The following PALM2AKAP2 variants were observed in gnomAD, a reference collection of about 807,000 sequenced individuals.
PALM2AKAP2 encodes the protein PALM2 and AKAP2 fusion.
PALM2AKAP2 carries 37 observed loss-of-function variants against 71.5 expected under a neutral mutation model. The observed-to-expected ratio is 0.52, with a 90% CI of 0.40 to 0.68. The LOEUF is 0.68. PALM2AKAP2 is among the 30% of genes least tolerant of loss of function. The pLI, the probability that PALM2AKAP2 is intolerant of heterozygous loss-of-function variation, is 0.00. For synonymous variants in PALM2AKAP2, 468 were observed against 478.8 expected (o/e 0.98, Z 0.29); for missense variants, 1,224 against 1,191.8 (o/e 1.03, Z -0.40).
chr9:110,162,227 G>A, intron 3 of PALM2AKAP2, 95 bp downstream of exon 10: 2 of 1,540,276 alleles, frequency 1.3e-6, no homozygotes, highest in Non-Finnish European at 1.8e-6. Flanking sequence ...AAACGAAAAT[G>A]GCAAGAAAAA....
chr9:109,711,210 G>A (rs928391474), intron 1 of PALM2AKAP2, among the ~76,000 whole-genome samples: 4 of 152,082 alleles, frequency 2.6e-5, no homozygotes, highest in African/African-American at 9.7e-5. Context: ...AGTAGCCTTG[G>A]TTAAAAGATT....
chr9:109,958,478 C>T (rs1564233720), intron 6 of PALM2AKAP2, among the ~76,000 whole-genome samples: 1 of 152,142 alleles, frequency 6.6e-6, no homozygotes, highest in Non-Finnish European at 1.5e-5. Context: ...TTGGTCCCAA[C>T]TTGCTCATCT....
chr9:109,842,769 C>G (rs1187125575), intron 1 of PALM2AKAP2, among the ~76,000 whole-genome samples: 1 of 151,952 alleles, frequency 6.6e-6, no homozygotes, highest in African/African-American at 2.4e-5. Flanking sequence ...AATCCCAGCT[C>G]TTTGGGAGGC....
chr9:110,012,832 T>A (rs745956906), intron 6 of PALM2AKAP2, among the ~76,000 whole-genome samples: 2 of 152,182 alleles, frequency 1.3e-5, no homozygotes, highest in Non-Finnish European at 2.9e-5. Context: ...GAGAAAAAAT[T>A]CTTTCCAAAG....
intron 6 of PALM2AKAP2, among the ~76,000 whole-genome samples, chr9:110,000,308 C>T (rs977799801): frequency 6.6e-6 from 1 of 152,028 alleles, no homozygotes; most frequent in Non-Finnish European, 1.5e-5. Flanking sequence ...TGATGGTTTC[C>T]AGCTTCATCC....
At chr9:110,062,841 G>A (rs1049562611) in intron 1 of PALM2AKAP2, among the ~76,000 whole-genome samples, 8 of 152,162 alleles carry the variant, frequency 5.3e-5, no homozygotes, top group Admixed American at 2.0e-4. Context: ...ACTGGGTCAC[G>A]CAAACCTGCC....
At chr9:109,860,891 A>C (rs10759381) in intron 1 of PALM2AKAP2, among the ~76,000 whole-genome samples, 26,152 of 152,088 alleles carry the variant, frequency 0.17, 2,379 homozygotes, top group South Asian at 0.23. Flanking sequence ...GGGGCAAGGA[A>C]ACAAGATTCC....
At chr9:109,664,290 T>C (rs1301376269) in intron 1 of PALM2AKAP2, among the ~76,000 whole-genome samples, 1 of 152,242 alleles carries the variant, frequency 6.6e-6, no homozygotes, top group Non-Finnish European at 1.5e-5. Context: ...GCATTGATGG[T>C]CTTTACAGTT....
intron 6 of PALM2AKAP2, among the ~76,000 whole-genome samples, chr9:109,992,646 T>G (rs1241405617): frequency 2.0e-5 from 3 of 152,190 alleles, no homozygotes; most frequent in Non-Finnish European, 4.4e-5. Context: ...GCTGCCTTTA[T>G]GAAAGTGAGT....
intron 1 of PALM2AKAP2, among the ~76,000 whole-genome samples, chr9:109,651,855 A>G (rs1475313543): frequency 6.6e-6 from 1 of 152,234 alleles, no homozygotes; most frequent in East Asian, 1.9e-4. Flanking sequence ...GAGTAGGCTT[A>G]ATCAAAATTT....
intron 2 of PALM2AKAP2, among the ~76,000 whole-genome samples, chr9:109,867,905 C>T (rs1829499102): frequency 6.6e-6 from 1 of 152,114 alleles, no homozygotes; most frequent in Non-Finnish European, 1.5e-5. Flanking sequence ...TTCTCCCATG[C>T]ATAGGTGCTG....
At chr9:110,004,848 C>T (rs1007981839) in intron 6 of PALM2AKAP2, among the ~76,000 whole-genome samples, 14 of 152,308 alleles carry the variant, frequency 9.2e-5, no homozygotes, top group African/African-American at 3.1e-4. Flanking sequence ...GCATTCATCA[C>T]GTAGTTCTCG....
At chr9:109,961,424 C>A (rs1051756481) in intron 6 of PALM2AKAP2, among the ~76,000 whole-genome samples, 1 of 152,194 alleles carries the variant, frequency 6.6e-6, no homozygotes, top group African/African-American at 2.4e-5. Context: ...TAGCTGGGAT[C>A]ATGGAGCAGA....
chr9:110,028,997 A>T (rs867612065), intron 7 of PALM2AKAP2, among the ~76,000 whole-genome samples: 2 of 151,098 alleles, frequency 1.3e-5, no homozygotes, highest in African/African-American at 2.4e-5. Flanking sequence ...AATGTATTTT[A>T]TTAAGCTTTA....
intron 1 of PALM2AKAP2, among the ~76,000 whole-genome samples, chr9:109,740,717 G>A (rs368950509): frequency 1.3e-5 from 2 of 152,136 alleles, no homozygotes; most frequent in Admixed American, 1.3e-4. Flanking sequence ...GCAGTGGTGC[G>A]ATCTTGGCTC....
rs528488126 is a variant in PALM2AKAP2 at position 109,685,258 on chromosome 9, G to A, written c.5+44392G>A. ...GACTGTGTATGTTTATACACATACC[G>A]TGTATGTCATTGAACTGGACACTTA... On this transcript the variant is annotated intron_variant, in intron 1 of 6. Transcript: ENST00000374531. Among the ~76,000 whole-genome samples the A allele has an allele frequency of 2.3e-4, 35 of 152,162 alleles. 1 individual carries two copies. The highest frequency in any genetic ancestry group is 1.6e-3 in the Admixed American group (24 of 15,276).
intron 6 of PALM2AKAP2, among the ~76,000 whole-genome samples, chr9:109,969,088 G>GCACGCACACACACACACACA (rs1554731284): frequency 1.3e-5 from 2 of 149,602 alleles, no homozygotes; most frequent in Non-Finnish European, 3.0e-5. Flanking sequence ...AAATGTGCGT[G>GCACGCACACACACACACACA]CACACACACA....
At chr9:109,806,468 G>A (rs1253797170) in intron 1 of PALM2AKAP2, among the ~76,000 whole-genome samples, 1 of 152,204 alleles carries the variant, frequency 6.6e-6, no homozygotes, top group African/African-American at 2.4e-5. Flanking sequence ...ATTCTGGTGG[G>A]AGACTAGGGA....
chr9:110,008,658 C>G (rs1337282455), intron 6 of PALM2AKAP2, among the ~76,000 whole-genome samples: 1 of 151,996 alleles, frequency 6.6e-6, no homozygotes, highest in Non-Finnish European at 1.5e-5. Context: ...TAAACAATCC[C>G]CAATCCTGTG....
Sources: allele counts gnomAD v4.1 joint callset (sites outside exome capture counted in the v4.1 genomes callset), GRCh38; gene constraint gnomAD v4.1.1; transcripts MANE v1.5; gene names NCBI Gene and HGNC (gene_info 2026-07-23, HGNC 2026-07-21).